The following NF2 variants were observed in gnomAD, a reference collection of about 807,000 sequenced individuals.
The protein encoded by NF2 is NF2, moesin-ezrin-radixin like (MERLIN) tumor suppressor, also known as merlin.
NF2 carries 8 observed loss-of-function variants against 83.7 expected under a neutral mutation model. That is an observed-to-expected ratio of 0.10 (90% confidence interval 0.06 to 0.17). NF2 has a LOEUF of 0.17. Ranked by LOEUF, NF2 falls within the 10% of genes least tolerant of loss-of-function variation. NF2 has a pLI of 1.00. For synonymous variants in NF2, 266 were observed against 269.6 expected, an observed-to-expected ratio of 0.99 and a Z score of 0.13; for missense variants, 533 against 744.4, an observed-to-expected ratio of 0.72 and a Z score of 3.31.
chr22:29,626,716 C>A (rs1418251423), intron 1 of NF2, among the ~76,000 whole-genome samples: 1 of 152,140 alleles, frequency 6.6e-6, no homozygotes, highest in Non-Finnish European at 1.5e-5. Context: ...TTTACATTGT[C>A]CAGGGCAGGA....
In NF2 at chr22:29,695,064, A is replaced by C; in HGVS notation, c.*262A>C. 1 of 574,560 alleles carries C rather than the reference A, an allele frequency of 1.7e-6. No homozygotes were observed. Among genetic ancestry groups the C allele is most frequent in the African/African-American group, 1.9e-5 (1 of 53,624 alleles). The allele number at this position is 574,560 out of a possible 1,614,324, so 35.6% of individuals were successfully genotyped here. Reference sequence around the variant, plus strand: ...AGAAGTATTTGTCTTCCTTTGTCTAATGTGGGATTCCTGACTCCCTTCGTC... The same window carrying C: ...AGAAGTATTTGTCTTCCTTTGTCTACTGTGGGATTCCTGACTCCCTTCGTC... On this transcript the variant is annotated 3_prime_UTR_variant, in exon 16 of 16. Transcript: ENST00000338641. This position sits in a 1 kb window ranked among gnomAD's most constrained non-coding sequence, Gnocchi z 5.4.
chr22:29,612,300 G>A (rs1050554692), intron 1 of NF2, among the ~76,000 whole-genome samples: 3 of 152,038 alleles, frequency 2.0e-5, no homozygotes, highest in African/African-American at 7.2e-5. Flanking sequence ...GAGCTAGTGC[G>A]CCCAGCCTGG....
intron 4 of NF2, among the ~76,000 whole-genome samples, chr22:29,652,326 T>C (rs187522900): frequency 7.2e-4 from 109 of 152,286 alleles, no homozygotes; most frequent in African/African-American, 2.3e-3. Context: ...TTTTTTGAGA[T>C]GGAGTTTTGC....
At position 29,696,729 on chromosome 22, in the gene NF2, A is replaced by C. The variant is rs2067561326; in HGVS notation, c.*1927A>C. On this transcript the variant is annotated 3_prime_UTR_variant, in exon 16 of 16. Coordinates refer to ENST00000338641, the MANE Select transcript of NF2 (RefSeq NM_000268.4). ...GGATGTTGTGGCCCTGTGTCTTCCT[A>C]GTGTGACCCAGCCAGGAGCGGAAGC... 1 of 213,468 alleles carries C rather than the reference A, an allele frequency of 4.7e-6. No homozygotes were observed. The highest frequency in any genetic ancestry group is 2.3e-5 in the African/African-American group (1 of 43,700). The allele number at this position is 213,468 out of a possible 1,614,324, so 13.2% of individuals were successfully genotyped here.
intron 10 of NF2, among the ~76,000 whole-genome samples, chr22:29,670,276 G>T (rs1323684420): frequency 6.6e-6 from 1 of 152,056 alleles, no homozygotes; most frequent in Non-Finnish European, 1.5e-5. Flanking sequence ...AGGGTTACAG[G>T]CATGAGCTGC....
At chr22:29,672,510 C>T (rs1462924301) in intron 11 of NF2, among the ~76,000 whole-genome samples, 1 of 151,932 alleles carries the variant, frequency 6.6e-6, no homozygotes, top group African/African-American at 2.4e-5. Context: ...GATGGGGTTT[C>T]CCCATGTTGG....
chr22:29,691,339 T>C (rs1008683571), intron 15 of NF2, among the ~76,000 whole-genome samples: 12 of 152,226 alleles, frequency 7.9e-5, no homozygotes, highest in African/African-American at 2.9e-4. Context: ...CAGTGCAACA[T>C]AGGACAAGGT....
intron 1 of NF2, among the ~76,000 whole-genome samples, chr22:29,612,822 G>A (rs1431315554): frequency 3.3e-5 from 5 of 151,996 alleles, no homozygotes; most frequent in East Asian, 1.9e-4. Flanking sequence ...GTCTCCAGGC[G>A]TAGTGGCTCA....
In NF2 at chr22:29,603,661, G is replaced by T. The variant is rs1002588273; in HGVS notation, c.-338G>T. ...ACCCTAGTCGGCCGCTGAGAGGCGC[G>T]CGGAGTCTGGGCCGCTGCCGTCTAG... is the stretch of plus-strand genomic sequence containing the variant. On this transcript the variant is annotated 5_prime_UTR_variant, in exon 1 of 16. Coordinates refer to ENST00000338641, the MANE Select transcript of NF2 (RefSeq NM_000268.4). 1 of 408,122 alleles carries T rather than the reference G, an allele frequency of 2.5e-6. No homozygotes were observed. The highest frequency in any genetic ancestry group is 3.6e-5 in the East Asian group (1 of 28,102). 25.3% of individuals were successfully genotyped at this position (408,122 alleles called of 1,614,324 possible).
At chr22:29,683,099 G>C in intron 15 of NF2, 1 of 1,614,170 alleles carries the variant, frequency 6.2e-7, no homozygotes, top group Non-Finnish European at 8.5e-7. Context: ...ATGTGGTGAT[G>C]GTGCTGCCCT....
At chr22:29,648,913 C>T (rs926139726) in intron 4 of NF2, among the ~76,000 whole-genome samples, 25 of 152,180 alleles carry the variant, frequency 1.6e-4, no homozygotes, top group Admixed American at 9.2e-4. Context: ...ATTTAACTGC[C>T]GAACTATGTT....
chr22:29,658,048 T>C (rs1482998021), intron 6 of NF2, 141 bp from the exon 7 acceptor site: 2 of 732,028 alleles, frequency 2.7e-6, no homozygotes, highest in East Asian at 2.7e-5. Flanking sequence ...AGAGCTTTGC[T>C]GGTGTCTGCT....
At chr22:29,607,720 C>CTA (rs2064835701) in intron 1 of NF2, among the ~76,000 whole-genome samples, 1 of 151,526 alleles carries the variant, frequency 6.6e-6, no homozygotes, top group East Asian at 1.9e-4. Flanking sequence ...TCAAACTGGC[C>CTA]TATATATATA....
In NF2 at chr22:29,698,143, C is replaced by G. The variant is rs570917052; in HGVS notation, c.*3341C>G. On this transcript the variant is annotated 3_prime_UTR_variant, in exon 16 of 16. Coordinates refer to ENST00000338641, the MANE Select transcript of NF2 (RefSeq NM_000268.4). ...AAGGCCCCACCTCAGCCACAGCAGTCCCCCCAACCTGTGTTGTCCACCCTA... is the reference window on the plus strand; with the variant it reads ...AAGGCCCCACCTCAGCCACAGCAGTGCCCCCAACCTGTGTTGTCCACCCTA... 4.3e-6 allele frequency: 1 copy of G among 232,280 alleles called. No individual in the cohort carries two copies. The highest frequency in any genetic ancestry group is 2.2e-5 in the African/African-American group (1 of 45,288). The allele number at this position is 232,280 out of a possible 1,614,324, so 14.4% of individuals were successfully genotyped here.
rs886057354 is a variant in NF2, at chr22:29,696,066, CTTTTTTTTT to C, written c.*1279_*1287del. Reference sequence around the variant, plus strand: ...GTCTGGGGCCACCTTCTTGCCCTTTCTTTTTTTTTTTTTTTTTTTTTTTCCGAGATGGAG... The same window carrying C: ...GTCTGGGGCCACCTTCTTGCCCTTTCTTTTTTTTTTTTTTCCGAGATGGAG... On this transcript the variant is annotated 3_prime_UTR_variant, in exon 16 of 16. Transcript: ENST00000338641. 3 of 155,970 alleles carry C rather than the reference CTTTTTTTTT, an allele frequency of 1.9e-5. No individual in the cohort carries two copies. Among genetic ancestry groups the C allele is most frequent in the Non-Finnish European group, 3.7e-5 (3 of 81,536 alleles). 9.7% of individuals were successfully genotyped at this position (155,970 alleles called of 1,614,324 possible).
chr22:29,626,710 C>T (rs961027497), intron 1 of NF2, among the ~76,000 whole-genome samples: 4 of 152,186 alleles, frequency 2.6e-5, no homozygotes, highest in African/African-American at 9.7e-5. Context: ...ACAATTTTTA[C>T]ATTGTCCAGG....
At chr22:29,648,833 A>G (rs560757770) in intron 4 of NF2, among the ~76,000 whole-genome samples, 195 of 151,996 alleles carry the variant, frequency 1.3e-3, no homozygotes, top group Admixed American at 2.1e-3. Flanking sequence ...CAAACTCTAT[A>G]CCCGCCTCAG....
intron 4 of NF2, among the ~76,000 whole-genome samples, chr22:29,644,766 C>T (rs1386053260): frequency 1.3e-5 from 2 of 152,212 alleles, no homozygotes; most frequent in Non-Finnish European, 1.5e-5. Context: ...CAAAAAAATA[C>T]GAAAACCCGT....
At chr22:29,663,044 G>T (rs1052923340) in intron 8 of NF2, among the ~76,000 whole-genome samples, 6 of 152,236 alleles carry the variant, frequency 3.9e-5, no homozygotes, top group Admixed American at 1.3e-4. Context: ...ACTCAGCCAT[G>T]CTTGATAAGA....
Sources: allele counts gnomAD v4.1 joint callset (sites outside exome capture counted in the v4.1 genomes callset), GRCh38; gene constraint gnomAD v4.1.1; non-coding constraint Gnocchi (gnomAD v3.1); transcripts MANE v1.5; gene names NCBI Gene and HGNC (gene_info 2026-07-23, HGNC 2026-07-21).